Variants in NFATC3 observed in about 807,000 individuals in gnomAD.
The protein encoded by NFATC3 is nuclear factor of activated T cells 3.
In NFATC3, 46 loss-of-function variants were observed where a neutral mutation model predicts 98.6. The observed-to-expected ratio is 0.47, with a 90% CI of 0.37 to 0.60. The LOEUF (loss-of-function observed/expected upper bound fraction) is 0.60, where lower values mean the gene tolerates loss of function less well. Among genes scored for constraint, NFATC3 ranks in the 20% least tolerant of loss-of-function variants. The probability of loss-of-function intolerance (pLI) is 0.00; values close to 1 mark genes in which losing one functional copy is unlikely to be tolerated. For synonymous variants in NFATC3, 512 were observed against 472.2 expected (o/e 1.08, Z -1.09); for missense variants, 1,256 against 1,295.5 (o/e 0.97, Z 0.47).
At chr16:68,185,047 T>G (rs2151632700) in intron 8 of NFATC3, among the ~76,000 whole-genome samples, 1 of 152,018 alleles carries the variant, frequency 6.6e-6, no homozygotes, top group African/African-American at 2.4e-5. Flanking sequence ...AGTGGTGTGA[T>G]CTTGGCTCAC....
rs773543550 is a variant in NFATC3, at chr16:68,157,925, T to C, written c.1458T>C (p.Asp486=). 16 of 1,613,820 alleles carry C rather than the reference T, an allele frequency of 9.9e-6. No homozygotes were observed. The highest frequency in any genetic ancestry group is 1.4e-5 in the Non-Finnish European group (16 of 1,179,910). ...INLQMFIGTA[D]DRYLRPHAFY... Reference sequence around the variant, plus strand: ...TACAAATGTTTATTGGGACAGCAGATGATCGATATTTACGACCTCATGCAT... The same window carrying C: ...TACAAATGTTTATTGGGACAGCAGACGATCGATATTTACGACCTCATGCAT... The change falls in exon 4 of 10, where the codon GAT becomes GAC. Residue 486 remains aspartate, a synonymous_variant. Coordinates refer to ENST00000346183, the MANE Select transcript of NFATC3 (RefSeq NM_173165.3).
At chr16:68,145,133 C>CTTTT (rs111691786) in intron 3 of NFATC3, among the ~76,000 whole-genome samples, 15 of 139,840 alleles carry the variant, frequency 1.1e-4, no homozygotes, top group African/African-American at 3.6e-4. Context: ...TTCTCTCTCT[C>CTTTT]TTTTTTTTTT....
intron 9 of NFATC3, among the ~76,000 whole-genome samples, chr16:68,199,093 A>G (rs541915892): frequency 6.0e-4 from 91 of 150,944 alleles, no homozygotes; most frequent in African/African-American, 2.1e-3. Context: ...ATGTGTGCCT[A>G]TAGTCCCAAC....
At chr16:68,092,169 T>C (rs1183444432) in intron 1 of NFATC3, among the ~76,000 whole-genome samples, 1 of 152,162 alleles carries the variant, frequency 6.6e-6, no homozygotes, top group East Asian at 1.9e-4. Context: ...TATTCATGTG[T>C]GAGGCTGGGC....
At chr16:68,221,167 T>C (rs1370569531) in intron 9 of NFATC3, 1 of 1,608,182 alleles carries the variant, frequency 6.2e-7, no homozygotes, top group South Asian at 1.1e-5. Flanking sequence ...TCAAGATTGC[T>C]AATGACTTAC....
At chr16:68,176,213 C>A (rs939896877) in intron 6 of NFATC3, among the ~76,000 whole-genome samples, 1 of 152,152 alleles carries the variant, frequency 6.6e-6, no homozygotes, top group Admixed American at 6.5e-5. Flanking sequence ...CCTGACCTCA[C>A]GATCCACCCG....
At chr16:68,105,198 CT>C (rs1413844188) in intron 1 of NFATC3, among the ~76,000 whole-genome samples, 1 of 148,608 alleles carries the variant, frequency 6.7e-6, no homozygotes, top group Non-Finnish European at 1.5e-5. Context: ...TCAAATGATT[CT>C]CCTGCCTCAG....
At chr16:68,197,522 A>G (rs779543403) in intron 9 of NFATC3, among the ~76,000 whole-genome samples, 2 of 152,206 alleles carry the variant, frequency 1.3e-5, no homozygotes, top group Admixed American at 6.5e-5. Context: ...GAGGAAGGCT[A>G]AGGCAGGAAG....
chr16:68,176,174 C>T (rs1486975997), intron 6 of NFATC3, among the ~76,000 whole-genome samples: 2 of 152,226 alleles, frequency 1.3e-5, no homozygotes, highest in East Asian at 1.9e-4. Flanking sequence ...AATGGGGTTT[C>T]ACCATATTGG....
intron 1 of NFATC3, among the ~76,000 whole-genome samples, chr16:68,099,413 C>T (rs183833561): frequency 2.0e-5 from 3 of 150,690 alleles, no homozygotes; most frequent in Admixed American, 6.6e-5. Flanking sequence ...CCAGCCTGGG[C>T]GACAGAGCGA....
chr16:68,167,769 G>T (rs1485395591), intron 5 of NFATC3, among the ~76,000 whole-genome samples: 9 of 98,976 alleles, frequency 9.1e-5, no homozygotes, highest in Non-Finnish European at 1.7e-4. Context: ...CTTATACTCT[G>T]TTGATTATAT....
intron 1 of NFATC3, among the ~76,000 whole-genome samples, chr16:68,098,300 A>ATTTTTTTTTTTTTTTTTTT (rs200355791): frequency 1.1e-5 from 1 of 94,340 alleles, no homozygotes; most frequent in African/African-American, 4.5e-5. Flanking sequence ...TATTATTATT[A>ATTTTTTTTTTTTTTTTTTT]TTTTTTTTTT....
At chr16:68,149,617 C>G (rs1162581000) in intron 3 of NFATC3, among the ~76,000 whole-genome samples, 2 of 152,138 alleles carry the variant, frequency 1.3e-5, no homozygotes, top group African/African-American at 2.4e-5. Flanking sequence ...GCAGTATTAA[C>G]ATGTTCCTTA....
At chr16:68,189,045 T>C (rs1433657303) in intron 8 of NFATC3, among the ~76,000 whole-genome samples, 1 of 152,210 alleles carries the variant, frequency 6.6e-6, no homozygotes, top group African/African-American at 2.4e-5. Context: ...TCTAGTTTTC[T>C]CAGCACCATT....
chr16:68,177,187 A>G (rs1225647030), intron 6 of NFATC3, among the ~76,000 whole-genome samples: 1 of 151,870 alleles, frequency 6.6e-6, no homozygotes, highest in Non-Finnish European at 1.5e-5. Context: ...AGCTGGGATT[A>G]CAGGCACCTG....
chr16:68,186,409 G>A (rs1393952667), intron 8 of NFATC3, among the ~76,000 whole-genome samples: 1 of 151,952 alleles, frequency 6.6e-6, no homozygotes, highest in Admixed American at 6.6e-5. Context: ...GCGTGGTGTC[G>A]TGAGCCTGTA....
At chr16:68,146,653 C>G (rs917302352) in intron 3 of NFATC3, among the ~76,000 whole-genome samples, 2 of 152,112 alleles carry the variant, frequency 1.3e-5, no homozygotes, top group African/African-American at 4.8e-5. Context: ...AGCCCATTCC[C>G]CCAACTAATC....
chr16:68,158,953 C>T lies in NFATC3; in HGVS notation c.1601+885C>T, dbSNP rs139607850. Among the ~76,000 whole-genome samples, 963 of 152,274 alleles carry T rather than the reference C, an allele frequency of 6.3e-3. 28 individuals are homozygous for T. Among genetic ancestry groups the T allele is most frequent in the Non-Finnish European group, 2.7e-3 (183 of 68,028 alleles). On this transcript the variant is annotated intron_variant, in intron 4 of 9. Coordinates refer to ENST00000346183, the MANE Select transcript of NFATC3 (RefSeq NM_173165.3). ...GTCACCTCAAATAATTTAGGGAGGCCGAGCACCATGGCTCATGCCTGTAAT... is the reference window on the plus strand; with the variant it reads ...GTCACCTCAAATAATTTAGGGAGGCTGAGCACCATGGCTCATGCCTGTAAT...
Position 68,226,416 on chromosome 16 carries a change from A to C in NFATC3, c.3173A>C (p.Gln1058Pro). Reference sequence around the variant, plus strand: ...TCCCAAGGAGCAGGGGTGAGCAGGCAGGCTCCCCTCCCGAGTCCTGAGTCC... The same window carrying C: ...TCCCAAGGAGCAGGGGTGAGCAGGCCGGCTCCCCTCCCGAGTCCTGAGTCC... Reference protein sequence around the residue: ...SVSQGAGVSRQAPLPSPESLD... With the variant: ...SVSQGAGVSRPAPLPSPESLD... The change falls in exon 10 of 10, where the codon CAG (glutamine) becomes CCG (proline). Residue 1058 changes from glutamine to proline, a missense_variant. Coordinates refer to ENST00000346183, the MANE Select transcript of NFATC3 (RefSeq NM_173165.3). The C allele has an allele frequency of 6.4e-7, 1 of 1,571,270 alleles. No homozygotes were observed. Among genetic ancestry groups the C allele is most frequent in the Non-Finnish European group, 8.6e-7 (1 of 1,163,082 alleles).
Sources: allele counts gnomAD v4.1 joint callset (sites outside exome capture counted in the v4.1 genomes callset), GRCh38; gene constraint gnomAD v4.1.1; transcripts MANE v1.5; gene names NCBI Gene and HGNC (gene_info 2026-07-23, HGNC 2026-07-21).